The following AGBL1 variants were observed in gnomAD, a reference collection of about 807,000 sequenced individuals.
The protein encoded by AGBL1 is AGBL carboxypeptidase 1, also known as cytosolic carboxypeptidase 4.
In AGBL1, 130 loss-of-function variants were observed where a neutral mutation model predicts 118.9. The ratio of observed to expected loss-of-function variants is 1.09; its 90% CI spans 0.95 to 1.26. AGBL1 has a LOEUF of 1.26. Among genes scored for constraint, AGBL1 ranks in the 50% most tolerant of loss-of-function variants. The probability of loss-of-function intolerance (pLI) is 0.00; values close to 1 mark genes in which losing one functional copy is unlikely to be tolerated. For synonymous variants in AGBL1, 555 were observed against 478.9 expected (o/e 1.16, Z -2.08); for missense variants, 1,584 against 1,298.1 (o/e 1.22, Z -3.38).
At chr15:86,392,312 C>A (rs1253260266) in intron 17 of AGBL1, among the ~76,000 whole-genome samples, 4 of 151,860 alleles carry the variant, frequency 2.6e-5, no homozygotes, top group Non-Finnish European at 5.9e-5. Context: ...CATATTATTT[C>A]CTGAACTAGT....
At chr15:86,805,446 C>A (rs937361124) in intron 22 of AGBL1, among the ~76,000 whole-genome samples, 1 of 152,158 alleles carries the variant, frequency 6.6e-6, no homozygotes, top group Non-Finnish European at 1.5e-5. Context: ...TACTGCCAAC[C>A]ACTCAGCATC....
At chr15:86,690,695 A>T (rs1391913660) in intron 22 of AGBL1, among the ~76,000 whole-genome samples, 2 of 152,136 alleles carry the variant, frequency 1.3e-5, no homozygotes, top group Non-Finnish European at 2.9e-5. Context: ...GTGATGCTGA[A>T]GGCACTGAAT....
intron 21 of AGBL1, among the ~76,000 whole-genome samples, chr15:86,569,811 G>T (rs2083976127): frequency 6.6e-6 from 1 of 152,182 alleles, no homozygotes; most frequent in East Asian, 1.9e-4. Context: ...GCCCATCGTA[G>T]AAAATTGTTC....
At chr15:86,383,282 T>C (rs1219997945) in intron 17 of AGBL1, among the ~76,000 whole-genome samples, 2 of 139,134 alleles carry the variant, frequency 1.4e-5, no homozygotes, top group Non-Finnish European at 3.1e-5. Context: ...AAAATCCTAA[T>C]TGCTTATCTT....
intron 24 of AGBL1, among the ~76,000 whole-genome samples, chr15:86,999,489 G>C (rs79528681): frequency 0.12 from 16,878 of 145,296 alleles, 1,503 homozygotes; most frequent in East Asian, 0.14. Flanking sequence ...TTTTGTTCTT[G>C]TGATACTTTA....
chr15:86,246,332 G>A (rs528888807), intron 6 of AGBL1, among the ~76,000 whole-genome samples: 1 of 152,338 alleles, frequency 6.6e-6, no homozygotes, highest in Non-Finnish European at 1.5e-5. Flanking sequence ...TACAGAGCCA[G>A]GAGAATAAGC....
At chr15:86,492,234 T>A (rs180868173) in intron 18 of AGBL1, among the ~76,000 whole-genome samples, 1 of 152,204 alleles carries the variant, frequency 6.6e-6, no homozygotes, top group East Asian at 1.9e-4. Context: ...GTAAGGTGAT[T>A]GAGACTTGTC....
At chr15:86,331,310 T>C (rs2080265751) in intron 17 of AGBL1, among the ~76,000 whole-genome samples, 1 of 151,672 alleles carries the variant, frequency 6.6e-6, no homozygotes, top group African/African-American at 2.4e-5. Context: ...AGATAATAAT[T>C]CTCTCCTCTT....
chr15:86,633,833 G>GTA (rs1252698633), intron 21 of AGBL1, among the ~76,000 whole-genome samples: 43 of 31,678 alleles, frequency 1.4e-3, no homozygotes, highest in African/African-American at 6.8e-3. Context: ...TATATATAAT[G>GTA]TATATATATA....
intron 22 of AGBL1, among the ~76,000 whole-genome samples, chr15:86,761,100 C>G (rs2141271599): frequency 6.6e-6 from 1 of 152,144 alleles, no homozygotes; most frequent in South Asian, 2.1e-4. Flanking sequence ...GAGCCTCTTC[C>G]TTAGACAAGT....
At chr15:86,120,576 C>T (rs1478151163) in intron 1 of AGBL1, among the ~76,000 whole-genome samples, 1 of 152,240 alleles carries the variant, frequency 6.6e-6, no homozygotes, top group Non-Finnish European at 1.5e-5. Flanking sequence ...ACCACCTCCA[C>T]TGCACAACAG....
intron 17 of AGBL1, among the ~76,000 whole-genome samples, chr15:86,334,663 C>T (rs2080330878): frequency 6.6e-6 from 1 of 151,844 alleles, no homozygotes; most frequent in African/African-American, 2.4e-5. Context: ...AAAAACTATT[C>T]TAAAATTCAT....
At chr15:86,672,429 C>T (rs2085762666) in intron 21 of AGBL1, among the ~76,000 whole-genome samples, 1 of 152,208 alleles carries the variant, frequency 6.6e-6, no homozygotes, top group East Asian at 1.9e-4. Context: ...TCCTGAATGA[C>T]TCCTTCTTTT....
chr15:86,552,506 G>T (rs1334529251), intron 20 of AGBL1, among the ~76,000 whole-genome samples: 2 of 152,124 alleles, frequency 1.3e-5, no homozygotes, highest in Non-Finnish European at 2.9e-5. Context: ...ATATATTTAT[G>T]TCTATTTGAC....
chr15:86,484,215 C>T (rs1300732299), intron 18 of AGBL1, among the ~76,000 whole-genome samples: 1 of 152,008 alleles, frequency 6.6e-6, no homozygotes, highest in Non-Finnish European at 1.5e-5. Flanking sequence ...CCTGTAATTG[C>T]AAGAAGGCAC....
At chr15:86,464,189 C>T (rs1294425804) in intron 18 of AGBL1, among the ~76,000 whole-genome samples, 5 of 152,128 alleles carry the variant, frequency 3.3e-5, no homozygotes, top group Non-Finnish European at 5.9e-5. Flanking sequence ...GTATTTTATT[C>T]TCTTTGTAGA....
intron 22 of AGBL1, among the ~76,000 whole-genome samples, chr15:86,762,120 A>G (rs1334026759): frequency 6.6e-6 from 1 of 152,152 alleles, no homozygotes; most frequent in East Asian, 1.9e-4. Context: ...ACACAGGAAC[A>G]GAAAACCAAA....
Position 86,295,328 on chromosome 15 carries a change from C to T in AGBL1, c.2294C>T (p.Thr765Met), listed in dbSNP as rs767364604. ...TTCCGGCAAGATGTTCTCTGCCAGA[C>T]GCTGGGAGGGAATCCGTGTCCCTTG... ...VYFRQDVLCQTLGGNPCPLVT... is the reference protein window; with the variant it reads ...VYFRQDVLCQMLGGNPCPLVT... Residue 765 changes from threonine to methionine, a missense_variant, in exon 17 of 23, where the codon ACG (threonine) becomes ATG (methionine). Coordinates refer to ENST00000614907, the MANE Select transcript of AGBL1 (RefSeq NM_001386094.1). The T allele has an allele frequency of 3.0e-5, 48 of 1,613,384 alleles. No homozygotes were observed. In the Admixed American group the frequency reaches 3.2e-4, roughly 11 times the overall value.
At chr15:87,002,001 T>C in intron 24 of AGBL1, among the ~76,000 whole-genome samples, 1 of 152,102 alleles carries the variant, frequency 6.6e-6, no homozygotes, top group African/African-American at 2.4e-5. Flanking sequence ...CATTTGTCAA[T>C]TTTGGCTTTG....
Sources: gnomAD v4.1 joint callset for allele counts (sites outside exome capture counted in the v4.1 genomes callset) on GRCh38, gnomAD v4.1.1 for gene constraint, MANE v1.5 for transcripts, NCBI Gene and HGNC (gene_info 2026-07-23, HGNC 2026-07-21) for gene names.